Variants in OOSP4B observed in about 807,000 individuals in gnomAD.
The protein encoded by OOSP4B is oocyte secreted protein family member 4B.
At chr11:60,018,145 G>T (rs924893653) in intron 1 of OOSP4B, among the ~76,000 whole-genome samples, 11 of 152,180 alleles carry the variant, frequency 7.2e-5, no homozygotes, top group African/African-American at 2.7e-4. Context: ...ATAGTTGTTT[G>T]GTTCAGTGCG....
intron 1 of OOSP4B, among the ~76,000 whole-genome samples, chr11:60,018,480 G>A (rs567173109): frequency 1.1e-4 from 16 of 152,150 alleles, no homozygotes; most frequent in Non-Finnish European, 1.5e-4. Flanking sequence ...ACCCAGCCTT[G>A]TGTTTTATTT....
intron 1 of OOSP4B, among the ~76,000 whole-genome samples, chr11:60,017,831 G>C (rs1488600025): frequency 2.0e-5 from 3 of 152,126 alleles, no homozygotes; most frequent in African/African-American, 7.2e-5. Context: ...AGGATTACAG[G>C]CTCTCTTGGC....
intron 4 of OOSP4B, 126 bp downstream of exon 4, chr11:60,030,055 AC>A (rs1352249732): frequency 7.6e-6 from 3 of 393,164 alleles, no homozygotes; most frequent in Non-Finnish European, 1.3e-5. Flanking sequence ...TTTAATATGA[AC>A]CCTGTAGAAT....
intron 1 of OOSP4B, among the ~76,000 whole-genome samples, chr11:60,021,076 T>C (rs1469557818): frequency 2.6e-5 from 4 of 152,236 alleles, no homozygotes; most frequent in Non-Finnish European, 5.9e-5. Flanking sequence ...GTGAAAGAAA[T>C]CTGGCCTCTC....
At chr11:60,019,491 C>T (rs1565047650) in intron 1 of OOSP4B, 1 of 156,412 alleles carries the variant, frequency 6.4e-6, no homozygotes, top group Non-Finnish European at 1.4e-5. Context: ...GGAGTTTGTT[C>T]CTTCTGATGT....
intron 3 of OOSP4B, among the ~76,000 whole-genome samples, chr11:60,029,012 C>A (rs541199396): frequency 3.9e-5 from 6 of 152,256 alleles, no homozygotes; most frequent in Non-Finnish European, 5.9e-5. Flanking sequence ...GTTTCAATAG[C>A]AGATTATAGA....
At chr11:60,024,271 G>A (rs1350931989) in intron 2 of OOSP4B, among the ~76,000 whole-genome samples, 4 of 152,182 alleles carry the variant, frequency 2.6e-5, no homozygotes, top group Non-Finnish European at 2.9e-5. Flanking sequence ...TGGGCATGGT[G>A]GCTCACACCT....
At chr11:60,018,974 T>A (rs1374401147) in intron 1 of OOSP4B, among the ~76,000 whole-genome samples, 1 of 152,010 alleles carries the variant, frequency 6.6e-6, no homozygotes, top group Non-Finnish European at 1.5e-5. Context: ...CTCAGCACTA[T>A]GGGAAGCCGA....
At chr11:60,019,037 C>T (rs192479061) in intron 1 of OOSP4B, among the ~76,000 whole-genome samples, 15 of 151,874 alleles carry the variant, frequency 9.9e-5, no homozygotes, top group African/African-American at 2.2e-4. Flanking sequence ...ACCAATATGG[C>T]GAAACCCCGT....
chr11:60,024,892 C>T lies in OOSP4B; in HGVS notation c.205-16C>T. 1 of 398,238 alleles carries T rather than the reference C, an allele frequency of 2.5e-6. No homozygotes were observed. Among genetic ancestry groups the T allele is most frequent in the Non-Finnish European group, 4.4e-6 (1 of 225,878 alleles). 24.7% of individuals were successfully genotyped at this position (398,238 alleles called of 1,614,324 possible). A position where few individuals can be genotyped will look rare whatever the true frequency, so the allele number is the denominator to read the frequency against. ...AATTTAATGCCTTCTAGTATTAAAA[C>T]TCTCAATTGTTTCAGATGTTCCAAA... On this transcript the variant is annotated splice_polypyrimidine_tract_variant and intron_variant, in intron 2 of 4. Transcript: ENST00000642343.
chr11:60,024,484 G>A (rs1306346270), intron 2 of OOSP4B, among the ~76,000 whole-genome samples: 1 of 152,174 alleles, frequency 6.6e-6, no homozygotes, highest in Non-Finnish European at 1.5e-5. Context: ...AGGTTGTAGT[G>A]AGCTGAGATG....
intron 1 of OOSP4B, among the ~76,000 whole-genome samples, 175 bp downstream of exon 1, chr11:60,017,588 G>A (rs952226621): frequency 1.3e-5 from 2 of 152,004 alleles, no homozygotes; most frequent in African/African-American, 4.8e-5. Flanking sequence ...CAACAGGTAG[G>A]GCTGCCTGTT....
chr11:60,022,200 C>T (rs1042624773), intron 1 of OOSP4B: 3 of 152,072 alleles, frequency 2.0e-5, no homozygotes, highest in Non-Finnish European at 2.9e-5. Context: ...ACAGAAAATA[C>T]ATAGGCTACA....
At chr11:60,024,287 C>A (rs930177455) in intron 2 of OOSP4B, among the ~76,000 whole-genome samples, 2 of 152,164 alleles carry the variant, frequency 1.3e-5, no homozygotes, top group Admixed American at 6.5e-5. Flanking sequence ...CACCTGTAAT[C>A]CCACCACTTT....
chr11:60,023,154 G>A (rs1046268594), intron 1 of OOSP4B, among the ~76,000 whole-genome samples: 1 of 152,070 alleles, frequency 6.6e-6, no homozygotes, highest in African/African-American at 2.4e-5. Context: ...TGAATAAATG[G>A]TTGCAAAGAA....
intron 3 of OOSP4B, among the ~76,000 whole-genome samples, chr11:60,028,165 G>A (rs1287943130): frequency 6.8e-6 from 1 of 146,686 alleles, no homozygotes; most frequent in Admixed American, 6.9e-5. Context: ...CGTAGTCACT[G>A]TTTTTTTTTT....
intron 1 of OOSP4B, among the ~76,000 whole-genome samples, chr11:60,018,290 G>A (rs1013007747): frequency 6.6e-6 from 1 of 152,022 alleles, no homozygotes; most frequent in Non-Finnish European, 1.5e-5. Flanking sequence ...GTTCTCAGCG[G>A]GTGGTTTTGC....
chr11:60,018,912 G>T (rs1317533820), intron 1 of OOSP4B, among the ~76,000 whole-genome samples: 2 of 152,126 alleles, frequency 1.3e-5, no homozygotes, highest in African/African-American at 4.8e-5. Context: ...GGAGTAAAAT[G>T]AGTTAAAAAC....
At chr11:60,020,052 G>C (rs1393055599) in intron 1 of OOSP4B, among the ~76,000 whole-genome samples, 2 of 152,088 alleles carry the variant, frequency 1.3e-5, no homozygotes, top group Admixed American at 6.6e-5. Flanking sequence ...ATTCACAAAC[G>C]CTGAGCTAGA....
Sources: allele counts gnomAD v4.1 joint callset (sites outside exome capture counted in the v4.1 genomes callset), GRCh38; gene constraint gnomAD v4.1.1; transcripts MANE v1.5; gene names NCBI Gene and HGNC (gene_info 2026-07-23, HGNC 2026-07-21).